The following DOT1L variants were observed in gnomAD, a reference collection of about 807,000 sequenced individuals.
DOT1L encodes DOT1 like histone lysine methyltransferase.
In DOT1L, 33 loss-of-function variants were observed where a neutral mutation model predicts 153.3. The ratio of observed to expected loss-of-function variants is 0.22; its 90% CI spans 0.16 to 0.29. DOT1L has a LOEUF of 0.29. Ranked by LOEUF, DOT1L falls within the 10% of genes least tolerant of loss-of-function variation. DOT1L has a pLI of 1.00. For missense variants in DOT1L, 1,847 were observed against 2,119.9 expected (o/e 0.87, Z 2.53); for synonymous variants, 1,135 against 965.1 (o/e 1.18, Z -3.26).
At chr19:2,172,574 G>A (rs537457297) in intron 1 of DOT1L, among the ~76,000 whole-genome samples, 4 of 143,706 alleles carry the variant, frequency 2.8e-5, no homozygotes, top group Admixed American at 7.0e-5. Context: ...GCGCCATCTC[G>A]GCTTACTGAA....
Position 2,230,254 on chromosome 19 carries a change from G to A in DOT1L, c.*462G>A, listed in dbSNP as rs1191064810. ...AACCCCGTTCTCGGAAACGCCGCCCGGCCGGCTCCCCCGACGCGCTGCTCC... is the reference window on the plus strand; with the variant it reads ...AACCCCGTTCTCGGAAACGCCGCCCAGCCGGCTCCCCCGACGCGCTGCTCC... On this transcript the variant is annotated 3_prime_UTR_variant, in exon 28 of 28. Transcript: ENST00000398665. The A allele has an allele frequency of 7.2e-6, 3 of 418,628 alleles. No homozygotes were observed. The highest frequency in any genetic ancestry group is 8.6e-5 in the South Asian group (1 of 11,582). 25.9% of individuals were successfully genotyped at this position (418,628 alleles called of 1,614,324 possible).
In DOT1L at chr19:2,216,627, G is replaced by T. The variant is rs201662319; in HGVS notation, c.2270G>T (p.Arg757Leu). The T allele has an allele frequency of 1.5e-5, 24 of 1,605,818 alleles. No homozygotes were observed. In the South Asian group the frequency reaches 2.6e-4, roughly 18 times the overall value. Residue 757 changes from arginine (R) to leucine (L), a missense_variant, in exon 20 of 28, where the codon CGG becomes CTG. By Grantham distance (102) the Arg-to-Leu change is moderately radical. Coordinates refer to ENST00000398665, the MANE Select transcript of DOT1L (RefSeq NM_032482.3). ...CCCTGTACCCCTAGCCACGTCGGCC[G>T]GCCGCGCCTGGAGAAGCTGTCTGGC... is the stretch of plus-strand genomic sequence containing the variant. ...VVPCTPSHVG[R>L]PRLEKLSGLA...
In DOT1L at chr19:2,199,950, C is replaced by T. The variant is rs201924084; in HGVS notation, c.707+11C>T. 1,080 of 1,613,584 alleles carry T rather than the reference C, an allele frequency of 6.7e-4. 10 individuals are homozygous for T. In the African/African-American group the frequency reaches 0.013, roughly 19 times the overall value. ...AATCGCCAACACGAGGTATGGCCAG[C>T]GTGGGGCATGCAGGGCATGTGGGGT... On this transcript the variant is annotated intron_variant, in intron 8 of 27. Transcript: ENST00000398665.
chr19:2,223,043 G>C (rs1290094413), intron 24 of DOT1L, among the ~76,000 whole-genome samples: 1 of 152,034 alleles, frequency 6.6e-6, no homozygotes, highest in Non-Finnish European at 1.5e-5. Context: ...ATTCTCGGCT[G>C]TGGGGCCTTA....
rs562116191 is a variant in DOT1L at position 2,193,471 on chromosome 19, G to A, written c.494-218G>A. Among the ~76,000 whole-genome samples the A allele has an allele frequency of 2.0e-5, 3 of 152,192 alleles. No homozygotes were observed. The highest frequency in any genetic ancestry group is 6.5e-5 in the Admixed American group (1 of 15,282). On this transcript the variant is annotated intron_variant, in intron 5 of 27. Coordinates refer to ENST00000398665, the MANE Select transcript of DOT1L (RefSeq NM_032482.3). The surrounding 1 kb of genome is among the most constrained non-coding windows in gnomAD (Gnocchi z 5.9). ...CCACCAAGTGATGTCCATGGATGAC[G>A]CGTTGTGATGACCGTCCCCTCGTGG... is the stretch of plus-strand genomic sequence containing the variant.
Position 2,210,613 on chromosome 19 carries a change from T to C in DOT1L, c.1117-8T>C. The C allele has an allele frequency of 6.2e-7, 1 of 1,610,974 alleles. No individual in the cohort carries two copies. ...TGCCCATCCCTGTTCTTCCCTTGTG[T>C]CCTCCAGGACTCTGGTGCTGAGGAA... On this transcript the variant is annotated splice_region_variant and splice_polypyrimidine_tract_variant and intron_variant, in intron 13 of 27. Transcript: ENST00000398665.
rs760870688 is a variant in DOT1L, at chr19:2,193,702, C to A, written c.507C>A (p.Val169=). The A allele has an allele frequency of 6.2e-7, 1 of 1,614,104 alleles. No individual in the cohort carries two copies. Among genetic ancestry groups the A allele is most frequent in the South Asian group, 1.1e-5 (1 of 91,078 alleles). The change falls in exon 6 of 28, where the codon GTC becomes GTA. Residue 169 remains valine, a synonymous_variant. Coordinates refer to ENST00000398665, the MANE Select transcript of DOT1L (RefSeq NM_032482.3). The surrounding 1 kb of genome is among the most constrained non-coding windows in gnomAD (Gnocchi z 5.9). ...CTCTGATCATAGGTGTGGGCCAGGT[C>A]GTGCTCCAGGTTGCTGCTGCCACCA... ...FVDLGSGVGQ[V]VLQVAAATNC...
chr19:2,191,651 C>T lies in DOT1L; in HGVS notation c.493+411C>T, dbSNP rs979962966. On this transcript the variant is annotated intron_variant, in intron 5 of 27. Coordinates refer to ENST00000398665, the MANE Select transcript of DOT1L (RefSeq NM_032482.3). The surrounding 1 kb of genome is among the most constrained non-coding windows in gnomAD (Gnocchi z 6.8). ...GTCCTTCCCTGGGCACACCTGCTCCCTCCACAGCGGCTGGAAAGGTCCCCC... is the reference window on the plus strand; with the variant it reads ...GTCCTTCCCTGGGCACACCTGCTCCTTCCACAGCGGCTGGAAAGGTCCCCC... 6.6e-6 allele frequency among the ~76,000 whole-genome samples: 1 copy of T among 152,184 alleles called. No individual in the cohort carries two copies. Among genetic ancestry groups the T allele is most frequent in the South Asian group, 2.1e-4 (1 of 4,834 alleles).
chr19:2,223,198 G>T, intron 24 of DOT1L, 83 bp from the exon 25 acceptor site: 1 of 1,498,994 alleles, frequency 6.7e-7, no homozygotes. Flanking sequence ...GTGCAGACAG[G>T]AGCCTCCTGG....
Position 2,217,972 on chromosome 19 carries a change from T to G in DOT1L, c.2691+54T>G, listed in dbSNP as rs2023967115. On this transcript the variant is annotated intron_variant, in intron 22 of 27. Transcript: ENST00000398665. This position sits in a 1 kb window ranked among gnomAD's most constrained non-coding sequence, Gnocchi z 7.3. The stretch of plus-strand genomic sequence containing the variant: ...AGGGCCACGTTGAGGCAAAACAGTC[T>G]GGGGTGCTCGAGACCTGGCTCACTT... The G allele has an allele frequency of 3.2e-6, 5 of 1,584,258 alleles. No homozygotes were observed. The East Asian group carries it at 6.8e-5, about 21-fold the overall frequency.
chr19:2,200,752 G>A lies in DOT1L; in HGVS notation c.707+813G>A, dbSNP rs553820552. Among the ~76,000 whole-genome samples the A allele has an allele frequency of 5.2e-3, 715 of 137,554 alleles. 4 individuals carry two copies. The highest frequency in any genetic ancestry group is 8.6e-3 in the Non-Finnish European group (543 of 63,342). 90.2% of individuals were successfully genotyped at this position (137,554 alleles called of 152,430 possible). A position where few individuals can be genotyped will look rare whatever the true frequency, so the allele number is the denominator to read the frequency against. ...ATTCCTCATCTTCCCTGTATTCCTC[G>A]TCCTCCCCGCATTCTTCATCCTCCC... is the stretch of plus-strand genomic sequence containing the variant. On this transcript the variant is annotated intron_variant, in intron 8 of 27. Coordinates refer to ENST00000398665, the MANE Select transcript of DOT1L (RefSeq NM_032482.3).
intron 2 of DOT1L, among the ~76,000 whole-genome samples, chr19:2,184,751 G>A (rs951728861): frequency 6.6e-6 from 1 of 152,190 alleles, no homozygotes; most frequent in African/African-American, 2.4e-5. Flanking sequence ...TCGCCCACAC[G>A]GGGCTGCTCA....
intron 22 of DOT1L, among the ~76,000 whole-genome samples, chr19:2,218,436 C>G (rs545008348): frequency 1.3e-5 from 2 of 152,294 alleles, no homozygotes; most frequent in South Asian, 4.1e-4. Flanking sequence ...CTCTGTCGCC[C>G]AGGCTGGAGT....
chr19:2,221,195 A>G (rs1414112589), intron 23 of DOT1L: 1 of 153,260 alleles, frequency 6.5e-6, no homozygotes, highest in East Asian at 1.9e-4. Flanking sequence ...AAACAACAAC[A>G]AAACAAGTAA....
chr19:2,165,525 G>A (rs1028252913), intron 1 of DOT1L, among the ~76,000 whole-genome samples: 6 of 152,228 alleles, frequency 3.9e-5, no homozygotes, highest in Admixed American at 3.9e-4. Context: ...GCCTGAGCCG[G>A]GATCCCGCCA....
chr19:2,210,624 T>G lies in DOT1L; in HGVS notation c.1120T>G (p.Ser374Ala). 1 of 1,612,420 alleles carries G rather than the reference T, an allele frequency of 6.2e-7. No individual in the cohort carries two copies. ...GTTCTTCCCTTGTGTCCTCCAGGACTCTGGTGCTGAGGAAGAGAAGGCGGG... is the reference window on the plus strand; with the variant it reads ...GTTCTTCCCTTGTGTCCTCCAGGACGCTGGTGCTGAGGAAGAGAAGGCGGG... ...VAGPADAPMD[S>A]GAEEEKAGAA... is the part of the protein sequence containing the mutation. Residue 374 changes from serine (S) to alanine (A), a missense_variant, in exon 14 of 28, where the codon TCT becomes GCT. By Grantham distance (99) the Ser-to-Ala change is moderately conservative. Around this residue, in one of 8 missense-constraint regions of DOT1L, gnomAD observed 205 missense variants for 203.1 expected, o/e 1.01. Transcript: ENST00000398665.
rs2144836221 is a variant in DOT1L at position 2,211,132 on chromosome 19, A to G, written c.1385A>G (p.Gln462Arg). 2 of 1,612,992 alleles carry G rather than the reference A, an allele frequency of 1.2e-6. No individual in the cohort carries two copies. Among genetic ancestry groups the G allele is most frequent in the Non-Finnish European group, 1.7e-6 (2 of 1,179,774 alleles). The change falls in exon 15 of 28, where the codon CAG (glutamine) becomes CGG (arginine). Residue 462 changes from glutamine to arginine, a missense_variant. Transcript: ENST00000398665. ...AYRSPHSPFY[Q>R]LPPSVQRHSP... ...AGATCCCCTCACAGCCCGTTCTACC[A>G]GCTACCTCCGAGCGTGCAGCGGCAC...
At position 2,231,461 on chromosome 19, in the gene DOT1L, G is replaced by A. The variant is rs142443226; in HGVS notation, c.*1669G>A. Reference sequence around the variant, plus strand: ...TGTGTGGGAGGGCCTGAAGACCCCTGCTTGTGCCTGGTGAGGGGGGTGCTG... The same window carrying A: ...TGTGTGGGAGGGCCTGAAGACCCCTACTTGTGCCTGGTGAGGGGGGTGCTG... On this transcript the variant is annotated 3_prime_UTR_variant, in exon 28 of 28. Transcript: ENST00000398665. 225 of 205,820 alleles carry A rather than the reference G, an allele frequency of 1.1e-3. No individual in the cohort carries two copies. The highest frequency in any genetic ancestry group is 1.7e-3 in the Non-Finnish European group (167 of 100,682). 12.7% of individuals were successfully genotyped at this position (205,820 alleles called of 1,614,324 possible). A position where few individuals can be genotyped will look rare whatever the true frequency, so the allele number is the denominator to read the frequency against.
At chr19:2,168,422 G>T (rs1046800265) in intron 1 of DOT1L, among the ~76,000 whole-genome samples, 3 of 152,212 alleles carry the variant, frequency 2.0e-5, no homozygotes, top group Admixed American at 6.5e-5. Context: ...CTGCCCTGGG[G>T]GACCTGTGGG....
Sources: gnomAD v4.1 joint callset for allele counts (sites outside exome capture counted in the v4.1 genomes callset) on GRCh38, gnomAD v4.1.1 for gene constraint, gnomAD v4.1.1 regional missense constraint, Gnocchi (gnomAD v3.1) non-coding constraint, MANE v1.5 for transcripts, NCBI Gene and HGNC (gene_info 2026-07-23, HGNC 2026-07-21) for gene names.